The following GRM1 variants were observed in gnomAD, a reference collection of about 807,000 sequenced individuals.
The protein encoded by GRM1 is glutamate metabotropic receptor 1.
GRM1 carries 33 observed loss-of-function variants against 90.9 expected under a neutral mutation model. The observed-to-expected ratio is 0.36, with a 90% CI of 0.28 to 0.49. The LOEUF (loss-of-function observed/expected upper bound fraction) is 0.49, where lower values mean the gene tolerates loss of function less well. GRM1 is among the 20% of genes least tolerant of loss of function. The probability of loss-of-function intolerance (pLI) is 0.99; values close to 1 mark genes in which losing one functional copy is unlikely to be tolerated. For synonymous variants in GRM1, 700 were observed against 613.2 expected, an observed-to-expected ratio of 1.14 and a Z score of -2.09; for missense variants, 1,190 against 1,534.3, an observed-to-expected ratio of 0.78 and a Z score of 3.75.
Position 146,434,278 on chromosome 6 carries a change from C to T in GRM1, c.3067C>T (p.Pro1023Ser), listed in dbSNP as rs2114699223. 6.2e-7 allele frequency: 1 copy of T among 1,601,140 alleles called. No individual in the cohort carries two copies. The highest frequency in any genetic ancestry group is 1.7e-4 in the Middle Eastern group (1 of 5,976). ...CCCTCCTCTCCAGCAGCAGCAGCAACCCCCTCCACAGCAGAAATCGCTGAT... is the reference window on the plus strand; with the variant it reads ...CCCTCCTCTCCAGCAGCAGCAGCAATCCCCTCCACAGCAGAAATCGCTGAT... ...LPPPLQQQQQPPPQQKSLMDQ... is the reference protein window; with the variant it reads ...LPPPLQQQQQSPPQQKSLMDQ... The change falls in exon 8 of 8, where the codon CCC (proline) becomes TCC (serine). Residue 1023 changes from proline (P) to serine (S), a missense_variant. Pro to Ser is a moderately conservative substitution (Grantham distance 74). Coordinates refer to ENST00000282753, the MANE Select transcript of GRM1 (RefSeq NM_001278064.2).
chr6:146,277,294 T>A (rs1782409411), intron 2 of GRM1, among the ~76,000 whole-genome samples: 1 of 152,198 alleles, frequency 6.6e-6, no homozygotes, highest in Admixed American at 6.5e-5. Flanking sequence ...CTGTCTGCCT[T>A]TGGAATGCCC....
intron 7 of GRM1, among the ~76,000 whole-genome samples, chr6:146,429,044 A>C (rs117491452): frequency 0.018 from 2,767 of 152,230 alleles, 37 homozygotes; most frequent in South Asian, 0.031. Flanking sequence ...TCTTTTATCT[A>C]GTGTCATATA....
intron 2 of GRM1, among the ~76,000 whole-genome samples, chr6:146,271,137 T>A (rs1325844059): frequency 6.6e-6 from 1 of 151,852 alleles, no homozygotes; most frequent in East Asian, 1.9e-4. Flanking sequence ...GCTGAGTAGC[T>A]GTGATTACTG....
intron 2 of GRM1, among the ~76,000 whole-genome samples, chr6:146,184,797 C>A (rs2067658): frequency 0.015 from 2,214 of 152,268 alleles, 55 homozygotes; most frequent in African/African-American, 0.049. Flanking sequence ...ATGAAGCCTT[C>A]ATGATCAACA....
intron 2 of GRM1, among the ~76,000 whole-genome samples, chr6:146,283,647 G>A (rs899333037): frequency 1.3e-5 from 2 of 152,136 alleles, no homozygotes; most frequent in Non-Finnish European, 2.9e-5. Flanking sequence ...CACTTGCTAC[G>A]ACAGGTATAG....
chr6:146,092,349 G>T (rs1776742343), intron 1 of GRM1, among the ~76,000 whole-genome samples: 2 of 152,046 alleles, frequency 1.3e-5, no homozygotes, highest in South Asian at 4.1e-4. Flanking sequence ...TGATTTTTGG[G>T]AGAATACAAA....
chr6:146,071,883 C>T (rs1160694006), intron 1 of GRM1, among the ~76,000 whole-genome samples: 3 of 152,066 alleles, frequency 2.0e-5, no homozygotes, highest in Admixed American at 6.6e-5. Context: ...TTAGTATGAC[C>T]TTGGCTGAGG....
chr6:146,296,725 T>C (rs1028794743), intron 2 of GRM1, among the ~76,000 whole-genome samples: 2 of 152,246 alleles, frequency 1.3e-5, no homozygotes, highest in African/African-American at 4.8e-5. Flanking sequence ...ATGGTTCTTA[T>C]ATAGGCTGTG....
intron 1 of GRM1, among the ~76,000 whole-genome samples, chr6:146,127,941 G>A (rs915915710): frequency 6.6e-6 from 1 of 152,142 alleles, no homozygotes; most frequent in Admixed American, 6.5e-5. Flanking sequence ...AAGGCTGGGG[G>A]ATGGAATCAT....
chr6:146,415,225 A>G (rs1777735196), intron 7 of GRM1, among the ~76,000 whole-genome samples: 1 of 152,150 alleles, frequency 6.6e-6, no homozygotes, highest in Admixed American at 6.5e-5. Flanking sequence ...TGGCAGAGAC[A>G]TTGGAAAACT....
intron 2 of GRM1, among the ~76,000 whole-genome samples, chr6:146,256,683 G>A (rs954199227): frequency 1.3e-5 from 2 of 152,060 alleles, no homozygotes; most frequent in African/African-American, 4.8e-5. Flanking sequence ...AAAAAGGGTG[G>A]TGACCCTGTG....
chr6:146,028,890 G>A (rs1341474867), upstream of GRM1, among the ~76,000 whole-genome samples: 1 of 152,066 alleles, frequency 6.6e-6, no homozygotes, highest in Non-Finnish European at 1.5e-5. Context: ...CCTCCTCTCT[G>A]CTCACCTTCC....
intron 2 of GRM1, among the ~76,000 whole-genome samples, chr6:146,294,459 A>T (rs964875134): frequency 2.0e-5 from 3 of 152,072 alleles, no homozygotes; most frequent in Non-Finnish European, 2.9e-5. Flanking sequence ...ATTAATTTTT[A>T]AAATATGTTG....
At position 146,349,201 on chromosome 6, in the gene GRM1, G is replaced by C. The variant is rs531124569; in HGVS notation, c.1187-3049G>C. On this transcript the variant is annotated intron_variant, in intron 3 of 7. Coordinates refer to ENST00000282753, the MANE Select transcript of GRM1 (RefSeq NM_001278064.2). ...CCTGCCTCAGCCTCCAGAGTAGCTG[G>C]GACTACAGGCGCCTGCCACCATGCC... is the stretch of plus-strand genomic sequence containing the variant. Among the ~76,000 whole-genome samples the C allele has an allele frequency of 1.1e-4, 16 of 150,458 alleles. No individual in the cohort carries two copies. In the South Asian group the frequency reaches 3.1e-3, roughly 30 times the overall value.
At position 146,079,238 on chromosome 6, in the gene GRM1, C is replaced by A. The variant is rs117567565; in HGVS notation, c.700+49021C>A. ...TTTGTTGCAATGCCCGTGGGCTGGA[C>A]ATTAGGTTGAGCAGCATGCGGTTTC... is the stretch of plus-strand genomic sequence containing the variant. On this transcript the variant is annotated intron_variant, in intron 1 of 7. Transcript: ENST00000282753. Among the ~76,000 whole-genome samples the A allele has an allele frequency of 4.0e-3, 604 of 152,260 alleles. 18 individuals are homozygous for A. In the East Asian group the frequency reaches 0.07, roughly 18 times the overall value.
At chr6:146,223,161 T>C (rs1361875220) in intron 2 of GRM1, among the ~76,000 whole-genome samples, 1 of 152,050 alleles carries the variant, frequency 6.6e-6, no homozygotes, top group Non-Finnish European at 1.5e-5. Flanking sequence ...ACTCAGGTAT[T>C]GTAAAGAGTA....
At chr6:146,333,206 G>A (rs541761994) in intron 3 of GRM1, among the ~76,000 whole-genome samples, 3 of 152,208 alleles carry the variant, frequency 2.0e-5, no homozygotes, top group South Asian at 4.1e-4. Context: ...GATTCAGCTG[G>A]CATGAGGCTC....
intron 3 of GRM1, among the ~76,000 whole-genome samples, chr6:146,317,782 A>G (rs1784028116): frequency 1.3e-5 from 2 of 152,172 alleles, no homozygotes; most frequent in Non-Finnish European, 2.9e-5. Context: ...CTTCCACTAA[A>G]AGTTATATGT....
At chr6:146,352,224 G>T in intron 3 of GRM1, 26 bp from the exon 4 acceptor site, 1 of 1,610,728 alleles carries the variant, frequency 6.2e-7, no homozygotes, top group Non-Finnish European at 8.5e-7. Flanking sequence ...TGTGACCTTG[G>T]TAGTGATCTA....
Sources: gnomAD v4.1 joint callset for allele counts (sites outside exome capture counted in the v4.1 genomes callset) on GRCh38, gnomAD v4.1.1 for gene constraint, MANE v1.5 for transcripts, NCBI Gene and HGNC (gene_info 2026-07-23, HGNC 2026-07-21) for gene names.